Variants in PCDH9 observed in about 807,000 individuals in gnomAD.
The protein encoded by PCDH9 is protocadherin-9.
Under a neutral mutation model 70.6 loss-of-function variants are expected in PCDH9, and 24 were observed. The observed-to-expected ratio is 0.34, with a 90% CI of 0.25 to 0.48. The LOEUF is 0.48. Among genes scored for constraint, PCDH9 ranks in the 20% least tolerant of loss-of-function variants. PCDH9 has a pLI of 0.99. For synonymous variants in PCDH9, 562 were observed against 558.5 expected (o/e 1.01, Z -0.09); for missense variants, 1,281 against 1,503.6 (o/e 0.85, Z 2.45).
chr13:67,197,007 A>AG (rs1279260159), intron 2 of PCDH9, among the ~76,000 whole-genome samples: 1 of 152,090 alleles, frequency 6.6e-6, no homozygotes, highest in East Asian at 1.9e-4. Context: ...GAAGTTGAAC[A>AG]GGAAAAAATA....
chr13:66,570,790 T>C (rs1405610217), intron 4 of PCDH9, among the ~76,000 whole-genome samples: 1 of 152,138 alleles, frequency 6.6e-6, no homozygotes, highest in Non-Finnish European at 1.5e-5. Flanking sequence ...CAGTTACTTT[T>C]GTAAGACACA....
At chr13:66,802,936 ACT>A (rs1285523613) in intron 3 of PCDH9, among the ~76,000 whole-genome samples, 1 of 152,154 alleles carries the variant, frequency 6.6e-6, no homozygotes, top group Non-Finnish European at 1.5e-5. Context: ...GTATTTAGGA[ACT>A]CTAACGGAAT....
chr13:66,933,448 T>C (rs1165088215), intron 2 of PCDH9, among the ~76,000 whole-genome samples: 5 of 152,186 alleles, frequency 3.3e-5, no homozygotes, highest in Non-Finnish European at 2.9e-5. Context: ...TGGTATTCTT[T>C]CATGATCCAA....
chr13:66,969,684 T>C (rs1296958961), intron 2 of PCDH9, among the ~76,000 whole-genome samples: 3 of 152,048 alleles, frequency 2.0e-5, no homozygotes, highest in Non-Finnish European at 4.4e-5. Context: ...TCAGAAACGT[T>C]TGTGCTTTAA....
At chr13:66,944,989 A>G (rs9564364) in intron 2 of PCDH9, among the ~76,000 whole-genome samples, 29,576 of 151,896 alleles carry the variant, frequency 0.19, 3,234 homozygotes, top group East Asian at 0.54. Context: ...ACTGCAGGAT[A>G]CCAGAATACA....
Position 66,375,908 on chromosome 13 carries a change from A to C in PCDH9, c.3341-70880T>G, listed in dbSNP as rs1191793225. On this transcript the variant is annotated intron_variant, in intron 4 of 4. Transcript: ENST00000377865. ...TAATTAAAGCAAAAAACAACAACAA[A>C]AAAATAGGCTTCAGTTCTCCTCTGT... Among the ~76,000 whole-genome samples, 13 of 152,204 alleles carry C rather than the reference A, an allele frequency of 8.5e-5. No homozygotes were observed. The East Asian group carries it at 2.3e-3, about 27-fold the overall frequency.
At chr13:67,167,081 C>T (rs2138433225) in intron 2 of PCDH9, among the ~76,000 whole-genome samples, 1 of 152,180 alleles carries the variant, frequency 6.6e-6, no homozygotes, top group East Asian at 1.9e-4. Context: ...TTTTTTAAGT[C>T]ACTGGTTCAA....
At chr13:66,806,093 T>C (rs557397611) in intron 3 of PCDH9, among the ~76,000 whole-genome samples, 1 of 152,144 alleles carries the variant, frequency 6.6e-6, no homozygotes, top group South Asian at 2.1e-4. Flanking sequence ...CTTATGTATA[T>C]ATGTGTTTGT....
chr13:66,791,960 G>C (rs2080170491), intron 3 of PCDH9, among the ~76,000 whole-genome samples: 1 of 152,000 alleles, frequency 6.6e-6, no homozygotes, highest in African/African-American at 2.4e-5. Context: ...GTTATTCCAA[G>C]ACTCTTACAC....
chr13:67,055,553 T>C (rs1255732808), intron 2 of PCDH9, among the ~76,000 whole-genome samples: 2 of 152,208 alleles, frequency 1.3e-5, no homozygotes, highest in East Asian at 1.9e-4. Flanking sequence ...GGCTCACGCC[T>C]GTAATCCCTG....
At chr13:67,034,431 G>T (rs541565057) in intron 2 of PCDH9, among the ~76,000 whole-genome samples, 165 of 152,158 alleles carry the variant, frequency 1.1e-3, no homozygotes, top group African/African-American at 3.9e-3. Flanking sequence ...TCATGCCTAC[G>T]CCATTCATAC....
intron 4 of PCDH9, among the ~76,000 whole-genome samples, chr13:66,483,406 A>G (rs1037194376): frequency 1.3e-5 from 2 of 152,148 alleles, no homozygotes; most frequent in Non-Finnish European, 2.9e-5. Flanking sequence ...TCACAACCAC[A>G]CCTTCACCAA....
intron 2 of PCDH9, among the ~76,000 whole-genome samples, chr13:67,156,031 A>T (rs1478850083): frequency 1.3e-5 from 2 of 152,060 alleles, no homozygotes; most frequent in Non-Finnish European, 2.9e-5. Flanking sequence ...TGCCGGAGAT[A>T]CAGGAGTGCT....
intron 4 of PCDH9, among the ~76,000 whole-genome samples, chr13:66,598,202 T>G (rs1397465153): frequency 6.6e-6 from 1 of 151,780 alleles, no homozygotes; most frequent in African/African-American, 2.4e-5. Flanking sequence ...AAAATAGAAC[T>G]GTAATATGAC....
chr13:66,527,630 T>C (rs1306121427), intron 4 of PCDH9, among the ~76,000 whole-genome samples: 2 of 152,076 alleles, frequency 1.3e-5, no homozygotes, highest in Non-Finnish European at 2.9e-5. Context: ...TGCTTACCTT[T>C]AAAAATACTT....
At chr13:66,679,439 A>C (rs968500750) in intron 3 of PCDH9, among the ~76,000 whole-genome samples, 2 of 151,960 alleles carry the variant, frequency 1.3e-5, no homozygotes, top group African/African-American at 4.8e-5. Context: ...GCACAAAAAC[A>C]TACAAGCAAA....
rs534723112 is a variant in PCDH9, at chr13:66,644,713, CT to C, written c.3139-13303del. ...ACATATATTTCAAAAAAAAGTACTT[CT>C]GCTTCCACAAATTTGTAATTGTGGT... On this transcript the variant is annotated intron_variant, in intron 3 of 4. Transcript: ENST00000377865. Among the ~76,000 whole-genome samples, 460 of 152,098 alleles carry C rather than the reference CT, an allele frequency of 3.0e-3. 2 individuals are homozygous for C. The highest frequency in any genetic ancestry group is 0.011 in the African/African-American group (438 of 41,540).
chr13:66,993,381 G>A lies in PCDH9; in HGVS notation c.3037-89776C>T, dbSNP rs553527664. 5.9e-4 allele frequency among the ~76,000 whole-genome samples: 90 copies of A among 152,212 alleles called. No individual in the cohort carries two copies. In the South Asian group the frequency reaches 8.5e-3, roughly 14 times the overall value. On this transcript the variant is annotated intron_variant, in intron 2 of 4. Transcript: ENST00000377865. ...TAAAAAATATATTTGCTGCTTGTAA[G>A]AGTAATCATTTCAGAAAGCAAAATT...
At chr13:66,830,673 A>G (rs1566225080) in intron 3 of PCDH9, among the ~76,000 whole-genome samples, 1 of 152,306 alleles carries the variant, frequency 6.6e-6, no homozygotes, top group South Asian at 2.1e-4. Flanking sequence ...TAAATTCAAC[A>G]TGCATTAATT....
Sources: allele counts gnomAD v4.1 joint callset (sites outside exome capture counted in the v4.1 genomes callset), GRCh38; gene constraint gnomAD v4.1.1; transcripts MANE v1.5; gene names NCBI Gene and HGNC (gene_info 2026-07-23, HGNC 2026-07-21).